USH2A: variants seen among roughly 807,000 people sequenced by gnomAD.
USH2A encodes Usher syndrome 2A (autosomal recessive, mild).
A neutral mutation model predicts 538.9 loss-of-function variants in USH2A; 443 were observed. The observed-to-expected ratio is 0.82, with a 90% confidence interval of 0.76 to 0.89. The LOEUF (loss-of-function observed/expected upper bound fraction) is 0.89. USH2A is among the 40% of genes least tolerant of loss of function. The pLI, the probability that USH2A is intolerant of heterozygous loss-of-function variation, is 0.00. For synonymous variants in USH2A, 2,413 were observed against 2,273.5 expected (o/e 1.06, Z -1.75); for missense variants, 6,633 against 6,324.8 (o/e 1.05, Z -1.65).
chr1:216,244,907 T>A (rs75499014), intron 13 of USH2A, among the ~76,000 whole-genome samples: 1 of 152,164 alleles, frequency 6.6e-6, no homozygotes, highest in Non-Finnish European at 1.5e-5. Context: ...ATTTTAACAA[T>A]TGATAATTAC....
chr1:215,681,519 GGAA>G (rs1322344946), intron 61 of USH2A, among the ~76,000 whole-genome samples: 2 of 152,068 alleles, frequency 1.3e-5, no homozygotes, highest in Non-Finnish European at 2.9e-5. Flanking sequence ...GATGAACAAG[GGAA>G]GAAGAATATA....
chr1:216,003,586 T>C (rs1000775078), intron 32 of USH2A, among the ~76,000 whole-genome samples: 1 of 152,012 alleles, frequency 6.6e-6, no homozygotes, highest in Non-Finnish European at 1.5e-5. Context: ...AGAGCAAAGC[T>C]GTGGAAGGAG....
chr1:216,170,247 G>A (rs1349420126), intron 21 of USH2A, among the ~76,000 whole-genome samples: 1 of 151,932 alleles, frequency 6.6e-6, no homozygotes, highest in Non-Finnish European at 1.5e-5. Flanking sequence ...ATTTTTGGTG[G>A]TTGCATTTCT....
chr1:215,824,035 T>C (rs1177090614), intron 47 of USH2A, among the ~76,000 whole-genome samples: 3 of 152,126 alleles, frequency 2.0e-5, no homozygotes, highest in Non-Finnish European at 4.4e-5. Context: ...ACTCACTGTT[T>C]CCTTGCTTTT....
At chr1:216,067,458 G>A (rs1336800114) in intron 30 of USH2A, among the ~76,000 whole-genome samples, 2 of 149,168 alleles carry the variant, frequency 1.3e-5, no homozygotes, top group Non-Finnish European at 3.0e-5. Context: ...GGGACATGAT[G>A]TTGGATGCTC....
chr1:216,382,633 T>C (rs1200339049), intron 3 of USH2A, among the ~76,000 whole-genome samples: 1 of 152,086 alleles, frequency 6.6e-6, no homozygotes, highest in African/African-American at 2.4e-5. Flanking sequence ...ACTATGCATA[T>C]GAAAATAGTA....
In USH2A at chr1:216,083,494, G is replaced by T; in HGVS notation, c.5260C>A (p.Leu1754Ile). ...GGTCCATCTTTGTTATAAACGAAAA[G>T]AAGCAATCCATTTAATTGGTCAGTT... ...FRTDQLNGLL[L>I]FVYNKDGPDF... Residue 1754 changes from leucine to isoleucine, a missense_variant, in exon 26 of 72, where the codon CTT (leucine) becomes ATT (isoleucine). Coordinates refer to ENST00000307340, the MANE Select transcript of USH2A (RefSeq NM_206933.4). The T allele has an allele frequency of 1.2e-6, 2 of 1,612,366 alleles. No individual in the cohort carries two copies. The highest frequency in any genetic ancestry group is 1.7e-6 in the Non-Finnish European group (2 of 1,179,158).
At chr1:215,989,371 C>A (rs1667952270) in intron 35 of USH2A, among the ~76,000 whole-genome samples, 1 of 152,092 alleles carries the variant, frequency 6.6e-6, no homozygotes, top group Non-Finnish European at 1.5e-5. Context: ...TCATAGGGAA[C>A]CACTAGGAGC....
At chr1:216,351,618 T>C (rs1042598165) in intron 4 of USH2A, among the ~76,000 whole-genome samples, 2 of 152,170 alleles carry the variant, frequency 1.3e-5, no homozygotes, top group Non-Finnish European at 1.5e-5. Flanking sequence ...CAATAGAGCA[T>C]TTTGAGCAGA....
intron 16 of USH2A, chr1:216,201,620 C>T (rs1212565190): frequency 6.2e-6 from 1 of 161,662 alleles, no homozygotes; most frequent in Non-Finnish European, 1.4e-5. Context: ...GGCCCTTCTT[C>T]CCAGTCTACA....
intron 3 of USH2A, among the ~76,000 whole-genome samples, chr1:216,402,056 T>G (rs1435277236): frequency 6.6e-6 from 1 of 152,148 alleles, no homozygotes; most frequent in East Asian, 1.9e-4. Context: ...GATTTATATG[T>G]GTATGCATCT....
intron 64 of USH2A, among the ~76,000 whole-genome samples, chr1:215,670,768 T>C (rs1190682281): frequency 6.6e-6 from 1 of 152,148 alleles, no homozygotes; most frequent in Non-Finnish European, 1.5e-5. Flanking sequence ...ACGTATATAA[T>C]ATGGCTCAAA....
intron 3 of USH2A, among the ~76,000 whole-genome samples, chr1:216,413,147 G>GGCTTT (rs1237912848): frequency 6.6e-6 from 1 of 151,846 alleles, no homozygotes; most frequent in African/African-American, 2.4e-5. Context: ...ATAAAGAGAA[G>GGCTTT]GCTTTGCACA....
chr1:215,732,190 G>A (rs1191352860), intron 60 of USH2A, among the ~76,000 whole-genome samples: 2 of 152,154 alleles, frequency 1.3e-5, no homozygotes, highest in Non-Finnish European at 2.9e-5. Context: ...TGGAAACACA[G>A]GTGATTTACA....
At chr1:216,026,092 T>C (rs1668958533) in intron 32 of USH2A, among the ~76,000 whole-genome samples, 1 of 152,104 alleles carries the variant, frequency 6.6e-6, no homozygotes, top group African/African-American at 2.4e-5. Flanking sequence ...ACTCGAACTA[T>C]TTTTCTCCTG....
At chr1:216,326,697 A>G (rs1470004073) in intron 5 of USH2A, among the ~76,000 whole-genome samples, 20 of 152,142 alleles carry the variant, frequency 1.3e-4, no homozygotes, top group Admixed American at 1.2e-3. Context: ...GCCTGGTAAG[A>G]AAGAATGTTT....
At chr1:216,251,918 G>A (rs1311245192) in intron 11 of USH2A, among the ~76,000 whole-genome samples, 1 of 151,982 alleles carries the variant, frequency 6.6e-6, no homozygotes, top group African/African-American at 2.4e-5. Context: ...TATTGATATT[G>A]ATCCTAATAC....
chr1:215,846,139 A>T (rs1663840746), intron 44 of USH2A, 106 bp from the exon 45 acceptor site: 2 of 1,111,294 alleles, frequency 1.8e-6, no homozygotes, highest in African/African-American at 3.2e-5. Context: ...AAGTTTAGAG[A>T]GCCTTTGTTT....
At chr1:216,100,162 C>G (rs150213492) in intron 21 of USH2A, among the ~76,000 whole-genome samples, 1 of 152,108 alleles carries the variant, frequency 6.6e-6, no homozygotes, top group Non-Finnish European at 1.5e-5. Flanking sequence ...GAAAAACTTA[C>G]GGAGCTGGTA....
Sources: allele counts gnomAD v4.1 joint callset (sites outside exome capture counted in the v4.1 genomes callset), GRCh38; gene constraint gnomAD v4.1.1; transcripts MANE v1.5; gene names NCBI Gene and HGNC (gene_info 2026-07-23, HGNC 2026-07-21).